INHBA: variants seen among roughly 807,000 people sequenced by gnomAD.
INHBA encodes the protein inhibin subunit beta A.
In INHBA, 1 loss-of-function variant was observed where a neutral mutation model predicts 29.0. The ratio of observed to expected loss-of-function variants is 0.03; its 90% confidence interval spans 0.01 to 0.16. INHBA has a LOEUF of 0.16. INHBA is among the 10% of genes least tolerant of loss of function. The probability of loss-of-function intolerance (pLI) is 1.00; values close to 1 mark genes in which losing one functional copy is unlikely to be tolerated. For missense variants in INHBA, 376 were observed against 545.4 expected, an observed-to-expected ratio of 0.69 and a Z score of 3.09; for synonymous variants, 242 against 216.8, an observed-to-expected ratio of 1.12 and a Z score of -1.02.
chr7:41,688,072 A>G lies in INHBA; in HGVS notation c.*1578T>C, dbSNP rs572296728. ...CCGAATTTTTGAAATGCGCCCACCT[A>G]GTTCAGAGTAAAAGCAAAAACTATA... On this transcript the variant is annotated 3_prime_UTR_variant, in exon 3 of 3. Transcript: ENST00000242208. 1 of 152,326 alleles carries G rather than the reference A, an allele frequency of 6.6e-6. No homozygotes were observed. Among genetic ancestry groups the G allele is most frequent in the African/African-American group, 2.4e-5 (1 of 41,574 alleles). 9.4% of individuals were successfully genotyped at this position (152,326 alleles called of 1,614,324 possible).
At chr7:41,691,897 C>T (rs546721162) in intron 2 of INHBA, 7 of 152,190 alleles carry the variant, frequency 4.6e-5, no homozygotes, top group Admixed American at 3.9e-4. Context: ...CCATTTTTGC[C>T]TCTGACCCAT....
Position 41,690,370 on chromosome 7 carries a change from G to A in INHBA, c.561C>T (p.Asp187=), listed in dbSNP as rs1300569693. The A allele has an allele frequency of 9.9e-6, 16 of 1,613,954 alleles. No homozygotes were observed. The highest frequency in any genetic ancestry group is 1.1e-5 in the Non-Finnish European group (13 of 1,180,026). ...QQQKHPQGSL[D]TGEEAEEVGL... The stretch of plus-strand genomic sequence containing the variant: ...CCACTTCCTCGGCCTCTTCCCCTGT[G>A]TCCAAGCTGCCCTGCGGGTGCTTCT... Residue 187 remains aspartate (D), a synonymous_variant, in exon 3 of 3, where the codon GAC becomes GAT. Coordinates refer to ENST00000242208, the MANE Select transcript of INHBA (RefSeq NM_002192.4).
upstream of INHBA, chr7:41,705,383 C>G (rs1343012094): frequency 1.3e-5 from 2 of 152,256 alleles, no homozygotes; most frequent in Non-Finnish European, 2.9e-5. Context: ...CCAAGCCGGT[C>G]TAAGCGGCAG....
chr7:41,697,778 A>G (rs943871828), intron 2 of INHBA, among the ~76,000 whole-genome samples: 2 of 152,224 alleles, frequency 1.3e-5, no homozygotes. Flanking sequence ...TGCTACAATC[A>G]TTTGGATGAT....
chr7:41,692,195 C>T (rs540728129), intron 2 of INHBA: 1 of 152,174 alleles, frequency 6.6e-6, no homozygotes, highest in Non-Finnish European at 1.5e-5. Flanking sequence ...AGAAACATAT[C>T]CTCTTTTCCA....
At position 41,687,472 on chromosome 7, in the gene INHBA, A is replaced by T. The variant is rs1465149528; in HGVS notation, c.*2178T>A. On this transcript the variant is annotated 3_prime_UTR_variant, in exon 3 of 3. Transcript: ENST00000242208. ...CACATACATGAATAATTTATTAGCTATTCCAGGCAAGCTAAGTACTAGAAT... is the reference window on the plus strand; with the variant it reads ...CACATACATGAATAATTTATTAGCTTTTCCAGGCAAGCTAAGTACTAGAAT... 2 of 152,242 alleles carry T rather than the reference A, an allele frequency of 1.3e-5. No homozygotes were observed. The highest frequency in any genetic ancestry group is 2.9e-5 in the Non-Finnish European group (2 of 68,046). The allele number at this position is 152,242 out of a possible 1,614,324, so 9.4% of individuals were successfully genotyped here.
intron 1 of INHBA, among the ~76,000 whole-genome samples, chr7:41,701,405 A>T (rs957945523): frequency 2.6e-5 from 4 of 152,094 alleles, no homozygotes; most frequent in Non-Finnish European, 4.4e-5. Flanking sequence ...CAATTCATTC[A>T]TATTTAAATG....
intron 2 of INHBA, among the ~76,000 whole-genome samples, chr7:41,695,799 C>T (rs1794633800): frequency 6.6e-6 from 1 of 152,170 alleles, no homozygotes; most frequent in Non-Finnish European, 1.5e-5. Context: ...TTTGGCACTT[C>T]TCATTTTGGA....
rs1288294637 is a variant in INHBA, at chr7:41,687,196, T to C, written c.*2454A>G. The C allele has an allele frequency of 6.6e-6, 1 of 152,244 alleles. No individual in the cohort carries two copies. Among genetic ancestry groups the C allele is most frequent in the East Asian group, 1.9e-4 (1 of 5,206 alleles). The allele number at this position is 152,244 out of a possible 1,614,324, so 9.4% of individuals were successfully genotyped here. On this transcript the variant is annotated 3_prime_UTR_variant, in exon 3 of 3. Transcript: ENST00000242208. ...GCCTACATATAGCCAAGTGTTATAG[T>C]ATACCAACTTAGTATATTTTTCAAG...
chr7:41,699,987 C>A lies in INHBA; in HGVS notation c.388G>T (p.Gly130Ter). 7.7e-7 allele frequency: 1 copy of A among 1,297,678 alleles called. No individual in the cohort carries two copies. Among genetic ancestry groups the A allele is most frequent in the South Asian group, 1.3e-5 (1 of 77,174 alleles). 80.4% of individuals were successfully genotyped at this position (1,297,678 alleles called of 1,614,324 possible). A position where few individuals can be genotyped will look rare whatever the true frequency, so the allele number is the denominator to read the frequency against. ...TSEIITFAES[G>*]TARKTLHFEI... ...ACCCCCTGCCAATGCCAGCACCAAC[C>A]TGACTCGGCAAACGTGATGATCTCC... The change falls in exon 2 of 3, where the codon GGA (glycine) becomes TGA (stop). Residue 130 changes from glycine to a stop codon, truncating the protein, a stop_gained and splice_region_variant. Coordinates refer to ENST00000242208, the MANE Select transcript of INHBA (RefSeq NM_002192.4). LOFTEE classifies it high-confidence loss of function.
upstream of INHBA, among the ~76,000 whole-genome samples, chr7:41,703,479 A>G (rs566366468): frequency 6.6e-6 from 1 of 152,192 alleles, no homozygotes; most frequent in East Asian, 1.9e-4. Flanking sequence ...TTCTATTTAC[A>G]AAGTATTTTA....
intron 2 of INHBA, among the ~76,000 whole-genome samples, chr7:41,696,452 A>G (rs1263348517): frequency 2.6e-5 from 4 of 152,152 alleles, no homozygotes; most frequent in Non-Finnish European, 4.4e-5. Context: ...ACAGGTAGTC[A>G]TGCTTCTCCC....
intron 2 of INHBA, among the ~76,000 whole-genome samples, chr7:41,699,217 CT>C (rs1414899862): frequency 6.6e-6 from 1 of 152,196 alleles, no homozygotes; most frequent in Non-Finnish European, 1.5e-5. Context: ...TCTGAGAGTA[CT>C]TTGTCAAGGT....
chr7:41,702,899 C>T (rs1794825921), intron 1 of INHBA, 106 bp downstream of exon 1: 1 of 152,184 alleles, frequency 6.6e-6, no homozygotes, highest in Non-Finnish European at 1.5e-5. Flanking sequence ...TAAAAAGGTA[C>T]ACATCACAAT....
chr7:41,703,175 G>A (rs1794831094), upstream of INHBA: 1 of 152,222 alleles, frequency 6.6e-6, no homozygotes, highest in Admixed American at 6.5e-5. Flanking sequence ...TTTGGGATTG[G>A]TTGGAATCAG....
In INHBA at chr7:41,689,481, G is replaced by A. The variant is rs1794450867; in HGVS notation, c.*169C>T. 4 of 604,718 alleles carry A rather than the reference G, an allele frequency of 6.6e-6. No individual in the cohort carries two copies. Among genetic ancestry groups the A allele is most frequent in the Non-Finnish European group, 1.0e-5 (4 of 383,536 alleles). 37.5% of individuals were successfully genotyped at this position (604,718 alleles called of 1,614,324 possible). On this transcript the variant is annotated 3_prime_UTR_variant, in exon 3 of 3. Transcript: ENST00000242208. ...ATTTTTTCCACATCTTCCTTCATCTGTTTCATCAGGTTTTGTTTTTAATTT... is the reference window on the plus strand; with the variant it reads ...ATTTTTTCCACATCTTCCTTCATCTATTTCATCAGGTTTTGTTTTTAATTT...
At chr7:41,694,980 A>G (rs1303583806) in intron 2 of INHBA, among the ~76,000 whole-genome samples, 1 of 152,166 alleles carries the variant, frequency 6.6e-6, no homozygotes, top group African/African-American at 2.4e-5. Flanking sequence ...AATTTTAAAA[A>G]TGTTTTGAAT....
At chr7:41,693,453 G>C (rs545655941) in intron 2 of INHBA, among the ~76,000 whole-genome samples, 1 of 152,204 alleles carries the variant, frequency 6.6e-6, no homozygotes, top group Non-Finnish European at 1.5e-5. Context: ...AGGGACAGCC[G>C]TGTGCAAATT....
At chr7:41,694,299 A>G (rs923608445) in intron 2 of INHBA, among the ~76,000 whole-genome samples, 2 of 152,210 alleles carry the variant, frequency 1.3e-5, no homozygotes, top group Non-Finnish European at 2.9e-5. Context: ...AGGTCAATTT[A>G]TTATATTCCC....
Sources: gnomAD v4.1 joint callset for allele counts (sites outside exome capture counted in the v4.1 genomes callset) on GRCh38, gnomAD v4.1.1 for gene constraint, MANE v1.5 for transcripts, NCBI Gene and HGNC (gene_info 2026-07-23, HGNC 2026-07-21) for gene names.